ARMC2: variants seen among roughly 807,000 people sequenced by gnomAD.
ARMC2 encodes the protein armadillo repeat-containing protein 2.
ARMC2 carries 67 observed loss-of-function variants against 90.3 expected under a neutral mutation model. That is an observed-to-expected ratio of 0.74 (90% CI 0.61 to 0.91). ARMC2 has a LOEUF of 0.91. Ranked by LOEUF, ARMC2 falls within the 40% of genes least tolerant of loss-of-function variation. The probability of loss-of-function intolerance (pLI) is 0.00; values close to 1 mark genes in which losing one functional copy is unlikely to be tolerated. For synonymous variants in ARMC2, 393 were observed against 393.0 expected (o/e 1.00, Z 0.00); for missense variants, 920 against 1,030.9 (o/e 0.89, Z 1.47).
At chr6:108,907,767 C>G in intron 8 of ARMC2, 1 of 1,610,908 alleles carries the variant, frequency 6.2e-7, no homozygotes, top group Non-Finnish European at 8.5e-7. Flanking sequence ...TGAAACGCTC[C>G]GAAAATGCCA....
intron 10 of ARMC2, chr6:108,923,162 A>T (rs1774755407): frequency 6.6e-6 from 1 of 152,160 alleles, no homozygotes; most frequent in African/African-American, 2.4e-5. Flanking sequence ...AGAGGTTGAG[A>T]ATTTCTCTAC....
chr6:108,858,353 T>A lies in ARMC2; in HGVS notation c.291+82T>A, dbSNP rs1010379419. 109 of 986,472 alleles carry A rather than the reference T, an allele frequency of 1.1e-4. 2 individuals are homozygous for A. In the South Asian group the frequency reaches 1.6e-3, roughly 15 times the overall value. 61.1% of individuals were successfully genotyped at this position (986,472 alleles called of 1,614,324 possible). On this transcript the variant is annotated intron_variant, in intron 3 of 17. Coordinates refer to ENST00000392644, the MANE Select transcript of ARMC2 (RefSeq NM_032131.6). Reference sequence around the variant, plus strand: ...CAAAAACACTTGGAATCAGTACTTATATATGCTATGATAATTATCATGTAC... The same window carrying A: ...CAAAAACACTTGGAATCAGTACTTAAATATGCTATGATAATTATCATGTAC...
intron 10 of ARMC2, 125 bp downstream of exon 10, chr6:108,912,683 C>A: frequency 2.4e-6 from 2 of 832,232 alleles, no homozygotes; most frequent in Non-Finnish European, 3.7e-6. Context: ...CCTCCAAGGG[C>A]AGCAGCCATA....
chr6:108,959,786 A>G (rs1777858462), intron 13 of ARMC2, among the ~76,000 whole-genome samples: 1 of 151,912 alleles, frequency 6.6e-6, no homozygotes, highest in Non-Finnish European at 1.5e-5. Context: ...CCCGGGTTCA[A>G]GCAATTCTTC....
chr6:108,934,896 T>C (rs1775835713), intron 11 of ARMC2, among the ~76,000 whole-genome samples: 1 of 152,264 alleles, frequency 6.6e-6, no homozygotes. Context: ...TACAACATGC[T>C]AGGCAATATT....
chr6:108,894,668 C>A, intron 6 of ARMC2, 125 bp downstream of exon 6: 15 of 660,522 alleles, frequency 2.3e-5, no homozygotes, highest in Middle Eastern at 2.9e-4. Context: ...CACAAATCAA[C>A]ATTTATTTTT....
chr6:108,977,894 T>C (rs1292096406), downstream of ARMC2, among the ~76,000 whole-genome samples: 1 of 152,190 alleles, frequency 6.6e-6, no homozygotes, highest in Non-Finnish European at 1.5e-5. Context: ...TCTTTATTCT[T>C]CTTTATTAGT....
intron 3 of ARMC2, among the ~76,000 whole-genome samples, chr6:108,862,356 A>C (rs1469050252): frequency 1.4e-5 from 2 of 145,002 alleles, no homozygotes; most frequent in African/African-American, 5.2e-5. Flanking sequence ...AAAAAAAAAA[A>C]AACAAAAAAA....
intron 12 of ARMC2, among the ~76,000 whole-genome samples, chr6:108,949,998 G>A (rs141068455): frequency 0.13 from 19,295 of 152,230 alleles, 1,624 homozygotes; most frequent in Non-Finnish European, 0.19. Context: ...TTGAGGTCAG[G>A]AGTTTGAGGC....
the ARMC2 span, among the ~76,000 whole-genome samples, chr6:108,983,902 A>G: frequency 6.6e-6 from 1 of 152,226 alleles, no homozygotes; most frequent in Non-Finnish European, 1.5e-5. Flanking sequence ...GGGGTCCCCA[A>G]CCCATGGGCC....
At chr6:109,040,927 C>A in the ARMC2 span, among the ~76,000 whole-genome samples, 1 of 151,982 alleles carries the variant, frequency 6.6e-6, no homozygotes, top group African/African-American at 2.4e-5. Context: ...GCTGGGATTA[C>A]AGGCGTGAGC....
chr6:108,924,044 A>G lies in ARMC2; in HGVS notation c.1351-4044A>G, dbSNP rs146872407. 29 of 152,254 alleles carry G rather than the reference A, an allele frequency of 1.9e-4. No individual in the cohort carries two copies. The East Asian group carries it at 2.5e-3, about 13-fold the overall frequency. 9.4% of individuals were successfully genotyped at this position (152,254 alleles called of 1,614,324 possible). ...GAAAGAGGAATAAGAAGTGGTTTGTACCCTAGAGGAGCTCACCATGGGAGA... is the reference window on the plus strand; with the variant it reads ...GAAAGAGGAATAAGAAGTGGTTTGTGCCCTAGAGGAGCTCACCATGGGAGA... On this transcript the variant is annotated intron_variant, in intron 10 of 17. Coordinates refer to ENST00000392644, the MANE Select transcript of ARMC2 (RefSeq NM_032131.6).
chr6:109,019,965 C>T, the ARMC2 span, among the ~76,000 whole-genome samples: 1,200 of 152,232 alleles, frequency 7.9e-3, 21 homozygotes, highest in African/African-American at 0.028. Flanking sequence ...TTTAAAAAAT[C>T]TAAACTTCAA....
At chr6:108,858,608 A>G (rs1774901992) in intron 3 of ARMC2, among the ~76,000 whole-genome samples, 2 of 150,596 alleles carry the variant, frequency 1.3e-5, no homozygotes, top group African/African-American at 4.9e-5. Context: ...TTAGATGTAT[A>G]ATTTATATTA....
chr6:108,854,144 A>G, intron 1 of ARMC2, 81 bp from the exon 2 acceptor site: 1 of 675,582 alleles, frequency 1.5e-6, no homozygotes, highest in Non-Finnish European at 2.5e-6. Flanking sequence ...GGAATGATTT[A>G]GTATATGGAT....
intron 3 of ARMC2, among the ~76,000 whole-genome samples, chr6:108,864,506 C>T (rs888680340): frequency 6.6e-6 from 1 of 152,168 alleles, no homozygotes; most frequent in Admixed American, 6.5e-5. Flanking sequence ...CTTGGCCTCC[C>T]AAAGTGCTGG....
chr6:108,854,872 A>C (rs1234175996), intron 2 of ARMC2, among the ~76,000 whole-genome samples: 1 of 152,148 alleles, frequency 6.6e-6, no homozygotes, highest in Non-Finnish European at 1.5e-5. Context: ...CTGCCCTACA[A>C]ATTCTTCACT....
chr6:108,867,232 G>A (rs1775907751), intron 3 of ARMC2, among the ~76,000 whole-genome samples: 2 of 152,152 alleles, frequency 1.3e-5, no homozygotes, highest in Admixed American at 1.3e-4. Flanking sequence ...AAGACCACCA[G>A]GCAACTGTAA....
chr6:108,989,420 TAG>T, the ARMC2 span, among the ~76,000 whole-genome samples: 3 of 149,120 alleles, frequency 2.0e-5, no homozygotes, highest in Non-Finnish European at 3.0e-5. Context: ...TCTCTAGATC[TAG>T]AGATATATAT....
Sources: gnomAD v4.1 joint callset for allele counts (sites outside exome capture counted in the v4.1 genomes callset) on GRCh38, gnomAD v4.1.1 for gene constraint, MANE v1.5 for transcripts, NCBI Gene and HGNC (gene_info 2026-07-23, HGNC 2026-07-21) for gene names.